Variants in CSMD1 observed in about 807,000 individuals in gnomAD.
CSMD1 encodes CUB and sushi domain-containing protein 1.
A neutral mutation model predicts 417.5 loss-of-function variants in CSMD1; 213 were observed. That is an observed-to-expected ratio of 0.51 (90% CI 0.46 to 0.57). The LOEUF (loss-of-function observed/expected upper bound fraction) is 0.57, where lower values mean the gene tolerates loss of function less well. Among genes scored for constraint, CSMD1 ranks in the 20% least tolerant of loss-of-function variants. The pLI is 0.00. For synonymous variants in CSMD1, 2,862 were observed against 1,736.8 expected, an observed-to-expected ratio of 1.65 and a Z score of -16.11; for missense variants, 6,923 against 4,529.7, an observed-to-expected ratio of 1.53 and a Z score of -15.17.
chr8:4,879,546 G>A (rs1653946334), intron 1 of CSMD1, among the ~76,000 whole-genome samples: 2 of 151,840 alleles, frequency 1.3e-5, no homozygotes, highest in South Asian at 4.1e-4. Context: ...TTCTTTACAA[G>A]AAAATGAATA....
At chr8:3,609,811 CTT>C (rs71534362) in intron 8 of CSMD1, among the ~76,000 whole-genome samples, 7 of 75,274 alleles carry the variant, frequency 9.3e-5, no homozygotes, top group South Asian at 6.5e-4. Flanking sequence ...AGTATCTTCC[CTT>C]TTTTTTTTTT....
At chr8:4,113,720 G>A (rs1215638660) in intron 3 of CSMD1, among the ~76,000 whole-genome samples, 1 of 152,144 alleles carries the variant, frequency 6.6e-6, no homozygotes. Context: ...ACTCTTATAA[G>A]TGCATGAATG....
intron 5 of CSMD1, among the ~76,000 whole-genome samples, chr8:3,842,935 A>G (rs1291230778): frequency 6.6e-6 from 1 of 152,196 alleles, no homozygotes; most frequent in African/African-American, 2.4e-5. Flanking sequence ...AGATGTTCCT[A>G]GAATTGAAAC....
intron 26 of CSMD1, among the ~76,000 whole-genome samples, chr8:3,272,423 T>A (rs987475476): frequency 6.6e-6 from 1 of 150,978 alleles, no homozygotes; most frequent in Non-Finnish European, 1.5e-5. Flanking sequence ...GGCTCCTTTT[T>A]GGTTCCATAT....
Position 3,650,619 on chromosome 8 carries a change from G to T in CSMD1, c.1010-33822C>A, listed in dbSNP as rs1026636574. Among the ~76,000 whole-genome samples the T allele has an allele frequency of 2.0e-5, 3 of 152,128 alleles. No individual in the cohort carries two copies. The South Asian group carries it at 6.2e-4, about 32-fold the overall frequency. On this transcript the variant is annotated intron_variant, in intron 7 of 69. Coordinates refer to ENST00000635120, the MANE Select transcript of CSMD1 (RefSeq NM_033225.6). ...ATGATGCTTGCCATGAATGTACTGA[G>T]CTCCCGGCTGTGGATATTTAAGAGA...
intron 37 of CSMD1, among the ~76,000 whole-genome samples, chr8:3,172,117 C>T (rs1820615659): frequency 1.3e-5 from 2 of 152,324 alleles, no homozygotes; most frequent in East Asian, 1.9e-4. Flanking sequence ...CAATGACTTC[C>T]AATTATTCTT....
chr8:2,963,470 T>G, intron 59 of CSMD1, 75 bp from the exon 60 acceptor site: 1 of 1,462,030 alleles, frequency 6.8e-7, no homozygotes, highest in East Asian at 2.3e-5. Flanking sequence ...GATTCCCATT[T>G]TAATTTTACC....
intron 5 of CSMD1, among the ~76,000 whole-genome samples, chr8:3,968,870 T>C (rs1427747626): frequency 3.9e-5 from 6 of 152,220 alleles, no homozygotes; most frequent in African/African-American, 1.4e-4. Flanking sequence ...ACATCATCTT[T>C]TCTTGCAAGA....
chr8:4,534,159 C>T (rs1040707941), intron 2 of CSMD1, among the ~76,000 whole-genome samples: 1 of 152,130 alleles, frequency 6.6e-6, no homozygotes, highest in Non-Finnish European at 1.5e-5. Flanking sequence ...CTGATATCAT[C>T]AGAAAAGAGA....
intron 5 of CSMD1, among the ~76,000 whole-genome samples, chr8:3,874,932 G>T (rs939558646): frequency 3.9e-5 from 6 of 152,090 alleles, no homozygotes; most frequent in African/African-American, 1.4e-4. Context: ...GAAGACCTTG[G>T]GGCCTGACAT....
chr8:4,919,932 C>A (rs1374270302), intron 1 of CSMD1, among the ~76,000 whole-genome samples: 1 of 152,176 alleles, frequency 6.6e-6, no homozygotes, highest in African/African-American at 2.4e-5. Context: ...CAGCCCTCAA[C>A]AGACACCAGA....
At chr8:3,397,345 C>G (rs1388696801) in intron 16 of CSMD1, among the ~76,000 whole-genome samples, 3 of 152,114 alleles carry the variant, frequency 2.0e-5, no homozygotes, top group African/African-American at 2.4e-5. Context: ...GCAATCTTAG[C>G]CTCATGGCGT....
At chr8:4,415,593 C>A (rs1055451803) in intron 3 of CSMD1, among the ~76,000 whole-genome samples, 2 of 152,200 alleles carry the variant, frequency 1.3e-5, no homozygotes, top group South Asian at 4.1e-4. Flanking sequence ...TTGATTGTTT[C>A]ATTCTCCTTC....
In CSMD1 at chr8:3,414,212, CAAAAAAAAAAAAAAA is replaced by C. The variant is rs1161625328; in HGVS notation, c.1562-4622_1562-4608del. On this transcript the variant is annotated intron_variant, in intron 12 of 69. Coordinates refer to ENST00000635120, the MANE Select transcript of CSMD1 (RefSeq NM_033225.6). ...AATTCAAAGACTGATGCACCTAAAG[CAAAAAAAAAAAAAAA>C]AAAAAAAAAAAATGCTGTACAAACT... Among the ~76,000 whole-genome samples, 4 of 49,738 alleles carry C rather than the reference CAAAAAAAAAAAAAAA, an allele frequency of 8.0e-5. 1 individual carries two copies. In the East Asian group the frequency reaches 1.8e-3, roughly 23 times the overall value. The allele number at this position is 49,738 out of a possible 152,430, so 32.6% of individuals were successfully genotyped here. A position where few individuals can be genotyped will look rare whatever the true frequency, so the allele number is the denominator to read the frequency against.
intron 49 of CSMD1, among the ~76,000 whole-genome samples, chr8:3,061,572 T>G (rs1812591181): frequency 6.6e-6 from 1 of 152,080 alleles, no homozygotes; most frequent in Non-Finnish European, 1.5e-5. Context: ...GTTGACAGTG[T>G]CTCCTCAATC....
At chr8:3,554,785 G>T (rs140387696) in intron 10 of CSMD1, among the ~76,000 whole-genome samples, 14 of 152,174 alleles carry the variant, frequency 9.2e-5, no homozygotes, top group African/African-American at 3.4e-4. Flanking sequence ...TACAAAGTAA[G>T]CAGAAGAGAT....
intron 2 of CSMD1, among the ~76,000 whole-genome samples, chr8:4,552,529 G>C (rs914623377): frequency 6.6e-6 from 1 of 152,156 alleles, no homozygotes; most frequent in African/African-American, 2.4e-5. Context: ...GAAGATTAAT[G>C]AAGTCAGCTT....
rs1563088539 is a variant in CSMD1 at position 3,795,890 on chromosome 8, TACAGATATATATATCATGTACAG to T, written c.819-41871_819-41849del. Among the ~76,000 whole-genome samples the T allele has an allele frequency of 1.4e-4, 9 of 63,646 alleles. 1 individual carries two copies. Among genetic ancestry groups the T allele is most frequent in the African/African-American group, 4.9e-4 (9 of 18,306 alleles). The allele number at this position is 63,646 out of a possible 152,430, so 41.8% of individuals were successfully genotyped here. A position where few individuals can be genotyped will look rare whatever the true frequency, so the allele number is the denominator to read the frequency against. ...CAGATATAGATATATATCTATCATG[TACAGATATATATATCATGTACAG>T]ATATAGATATCTATCATGTACAGAT... On this transcript the variant is annotated intron_variant, in intron 5 of 69. Coordinates refer to ENST00000635120, the MANE Select transcript of CSMD1 (RefSeq NM_033225.6).
intron 1 of CSMD1, among the ~76,000 whole-genome samples, chr8:4,976,032 C>T (rs535979525): frequency 2.0e-5 from 3 of 152,150 alleles, no homozygotes; most frequent in Non-Finnish European, 4.4e-5. Context: ...CTTTTGTTTA[C>T]TTGCAGGTAA....
Sources: gnomAD v4.1 joint callset for allele counts (sites outside exome capture counted in the v4.1 genomes callset) on GRCh38, gnomAD v4.1.1 for gene constraint, MANE v1.5 for transcripts, NCBI Gene and HGNC (gene_info 2026-07-23, HGNC 2026-07-21) for gene names.